The following MECOM variants were observed in gnomAD, a reference collection of about 807,000 sequenced individuals.
MECOM encodes the protein histone-lysine N-methyltransferase MECOM.
In MECOM, 13 loss-of-function variants were observed where a neutral mutation model predicts 116.3. The observed-to-expected ratio is 0.11, with a 90% CI of 0.07 to 0.18. The LOEUF (loss-of-function observed/expected upper bound fraction) is 0.18. Ranked by LOEUF, MECOM falls within the 10% of genes least tolerant of loss-of-function variation. MECOM has a pLI of 1.00. For missense variants in MECOM, 1,299 were observed against 1,509.0 expected, an observed-to-expected ratio of 0.86 and a Z score of 2.31; for synonymous variants, 528 against 535.2, an observed-to-expected ratio of 0.99 and a Z score of 0.19.
At chr3:169,294,916 C>T (rs901346375) in intron 2 of MECOM, among the ~76,000 whole-genome samples, 8 of 152,114 alleles carry the variant, frequency 5.3e-5, no homozygotes, top group African/African-American at 9.7e-5. Flanking sequence ...ACATTTGATC[C>T]GGATCCACAA....
intron 1 of MECOM, among the ~76,000 whole-genome samples, chr3:169,386,150 G>A (rs1280383770): frequency 6.6e-6 from 1 of 152,116 alleles, no homozygotes; most frequent in East Asian, 1.9e-4. Flanking sequence ...ATGTGTCTTT[G>A]AATAACTACC....
intron 2 of MECOM, among the ~76,000 whole-genome samples, chr3:169,214,260 G>GAGAACTAAACTAAACTAAA (rs1464972312): frequency 6.6e-6 from 1 of 151,984 alleles, no homozygotes; most frequent in Non-Finnish European, 1.5e-5. Context: ...CGGTAGAAAA[G>GAGAACTAAACTAAACTAAA]AGAACTAAAC....
At chr3:169,374,376 C>G (rs952351048) in intron 2 of MECOM, among the ~76,000 whole-genome samples, 1 of 151,938 alleles carries the variant, frequency 6.6e-6, no homozygotes, top group African/African-American at 2.4e-5. Flanking sequence ...GTAGCCCAAG[C>G]TGACTAATAC....
intron 2 of MECOM, among the ~76,000 whole-genome samples, chr3:169,287,081 C>G (rs1713474845): frequency 6.6e-6 from 1 of 152,184 alleles, no homozygotes; most frequent in Non-Finnish European, 1.5e-5. Flanking sequence ...TTCCTGGGCC[C>G]TCCGAAGATA....
intron 2 of MECOM, among the ~76,000 whole-genome samples, chr3:169,221,329 T>C (rs1291626702): frequency 6.6e-6 from 1 of 152,230 alleles, no homozygotes; most frequent in Non-Finnish European, 1.5e-5. Context: ...TCATTAATGG[T>C]TATTTTTAAA....
At chr3:169,582,831 T>TGTC (rs1185906063) in intron 1 of MECOM, among the ~76,000 whole-genome samples, 4 of 152,256 alleles carry the variant, frequency 2.6e-5, no homozygotes, top group African/African-American at 9.6e-5. Flanking sequence ...TGGGACTGAC[T>TGTC]ATTCATGATT....
Position 169,172,180 on chromosome 3 carries a change from T to A in MECOM, c.376-28348A>T, listed in dbSNP as rs140631660. 1.4e-3 allele frequency among the ~76,000 whole-genome samples: 220 copies of A among 152,204 alleles called. 1 individual carries two copies. The highest frequency in any genetic ancestry group is 7.5e-3 in the South Asian group (36 of 4,830). Reference sequence around the variant, plus strand: ...GATTCGATCTGAAAGAAAAATGTAATTCATGTGTAAGAACTGGATGGTAGA... The same window carrying A: ...GATTCGATCTGAAAGAAAAATGTAAATCATGTGTAAGAACTGGATGGTAGA... On this transcript the variant is annotated intron_variant, in intron 2 of 16. Coordinates refer to ENST00000651503, the MANE Select transcript of MECOM (RefSeq NM_004991.4).
At chr3:169,379,421 GTGTCT>G (rs369965007) in intron 2 of MECOM, among the ~76,000 whole-genome samples, 25 of 152,088 alleles carry the variant, frequency 1.6e-4, no homozygotes, top group African/African-American at 5.8e-4. Flanking sequence ...TTTTATAAAG[GTGTCT>G]TGAATTCCAA....
At chr3:169,426,130 C>A (rs928958021) in intron 1 of MECOM, among the ~76,000 whole-genome samples, 5 of 151,356 alleles carry the variant, frequency 3.3e-5, no homozygotes, top group African/African-American at 9.7e-5. Flanking sequence ...TAGTAAAAAT[C>A]CCCCCAACAG....
chr3:169,500,337 T>C (rs1046402004), intron 1 of MECOM, among the ~76,000 whole-genome samples: 1 of 151,980 alleles, frequency 6.6e-6, no homozygotes. Flanking sequence ...GTCTGATGGC[T>C]TTTTTATAAC....
intron 4 of MECOM, among the ~76,000 whole-genome samples, chr3:169,129,768 G>A (rs1035153415): frequency 6.6e-6 from 1 of 152,088 alleles, no homozygotes; most frequent in Non-Finnish European, 1.5e-5. Flanking sequence ...CAAAGATTTT[G>A]GGTTGAATGC....
intron 1 of MECOM, among the ~76,000 whole-genome samples, chr3:169,634,922 T>C (rs957616826): frequency 3.9e-5 from 6 of 151,950 alleles, no homozygotes; most frequent in Non-Finnish European, 8.8e-5. Context: ...ATCAGCTTCC[T>C]TTATCTCCAG....
chr3:169,351,094 A>G (rs1726242558), intron 2 of MECOM, among the ~76,000 whole-genome samples: 1 of 151,918 alleles, frequency 6.6e-6, no homozygotes, highest in Admixed American at 6.6e-5. Context: ...TTCATTCATT[A>G]TATTCTTTAC....
At chr3:169,167,161 A>G (rs986013492) in intron 2 of MECOM, among the ~76,000 whole-genome samples, 2 of 152,156 alleles carry the variant, frequency 1.3e-5, no homozygotes, top group Admixed American at 6.5e-5. Flanking sequence ...AAATTTTTGT[A>G]GAGACGGGGT....
At chr3:169,390,177 C>T (rs1734000017) in intron 1 of MECOM, among the ~76,000 whole-genome samples, 1 of 152,112 alleles carries the variant, frequency 6.6e-6, no homozygotes, top group African/African-American at 2.4e-5. Flanking sequence ...ACAAGTTCAT[C>T]CCCAGGTCCA....
chr3:169,549,262 G>A (rs913419184), intron 1 of MECOM, among the ~76,000 whole-genome samples: 3 of 152,052 alleles, frequency 2.0e-5, no homozygotes, highest in South Asian at 2.1e-4. Context: ...GTGAGTCACC[G>A]TGCCCGGCCG....
chr3:169,487,065 AT>A (rs1752468675), intron 1 of MECOM, among the ~76,000 whole-genome samples: 1 of 152,026 alleles, frequency 6.6e-6, no homozygotes, highest in African/African-American at 2.4e-5. Flanking sequence ...TTTATTTCAC[AT>A]TTTTAATTGT....
intron 1 of MECOM, among the ~76,000 whole-genome samples, chr3:169,477,814 C>G (rs534622086): frequency 5.3e-5 from 8 of 152,118 alleles, no homozygotes; most frequent in Non-Finnish European, 8.8e-5. Context: ...AAAAGTGATA[C>G]ACGGCTTCAA....
At chr3:169,416,163 A>G (rs1188140978) in intron 1 of MECOM, among the ~76,000 whole-genome samples, 1 of 152,210 alleles carries the variant, frequency 6.6e-6, no homozygotes. Flanking sequence ...AACAGAAATC[A>G]TAACAAACAG....
Sources: allele counts gnomAD v4.1 joint callset (sites outside exome capture counted in the v4.1 genomes callset), GRCh38; gene constraint gnomAD v4.1.1; transcripts MANE v1.5; gene names NCBI Gene and HGNC (gene_info 2026-07-23, HGNC 2026-07-21).